RIMKLB: variants seen among roughly 807,000 people sequenced by gnomAD.
The protein encoded by RIMKLB is beta-citrylglutamate synthase B.
A neutral mutation model predicts 32.0 loss-of-function variants in RIMKLB; 7 were observed. The ratio of observed to expected loss-of-function variants is 0.22; its 90% CI spans 0.12 to 0.41. RIMKLB has a LOEUF of 0.41. Among genes scored for constraint, RIMKLB ranks in the 10% least tolerant of loss-of-function variants. The pLI is 1.00. For synonymous variants in RIMKLB, 172 were observed against 185.1 expected, an observed-to-expected ratio of 0.93 and a Z score of 0.57; for missense variants, 289 against 498.7, an observed-to-expected ratio of 0.58 and a Z score of 4.00.
At chr12:8,729,412 T>C (rs2137255483) in intron 2 of RIMKLB, among the ~76,000 whole-genome samples, 1 of 152,166 alleles carries the variant, frequency 6.6e-6, no homozygotes, top group South Asian at 2.1e-4. Flanking sequence ...TCTCTGAAGC[T>C]GCGCTCTCGA....
In RIMKLB at chr12:8,773,928, T is replaced by G; in HGVS notation, c.*144T>G. 2 of 1,433,220 alleles carry G rather than the reference T, an allele frequency of 1.4e-6. No individual in the cohort carries two copies. Among genetic ancestry groups the G allele is most frequent in the Non-Finnish European group, 1.8e-6 (2 of 1,097,150 alleles). 88.8% of individuals were successfully genotyped at this position (1,433,220 alleles called of 1,614,324 possible). A position where few individuals can be genotyped will look rare whatever the true frequency, so the allele number is the denominator to read the frequency against. On this transcript the variant is annotated 3_prime_UTR_variant, in exon 6 of 6. Coordinates refer to ENST00000535829, the MANE Select transcript of RIMKLB (RefSeq NM_001297776.2). ...AGGATTAGTTGGAGAGAGTGGGAGA[T>G]AGATGAGACCTCTGCTAGTAAGATG... is the stretch of plus-strand genomic sequence containing the variant.
intron 5 of RIMKLB, among the ~76,000 whole-genome samples, chr12:8,766,205 C>T (rs1249253642): frequency 1.3e-5 from 2 of 152,174 alleles, no homozygotes; most frequent in African/African-American, 4.8e-5. Flanking sequence ...ATGCTTATTC[C>T]TTTCCAGGGT....
At chr12:8,685,557 A>T (rs1200238185) in intron 1 of RIMKLB, among the ~76,000 whole-genome samples, 1 of 149,216 alleles carries the variant, frequency 6.7e-6, no homozygotes, top group African/African-American at 2.6e-5. Context: ...AAATTGTTGC[A>T]TTCCGTTTGC....
intron 2 of RIMKLB, among the ~76,000 whole-genome samples, chr12:8,748,598 TTATA>T (rs991047533): frequency 6.8e-6 from 1 of 146,612 alleles, no homozygotes; most frequent in Non-Finnish European, 1.5e-5. Flanking sequence ...CATACACAAT[TTATA>T]TATTTTTTAT....
At chr12:8,726,875 T>A (rs1946063483) in intron 2 of RIMKLB, among the ~76,000 whole-genome samples, 1 of 152,122 alleles carries the variant, frequency 6.6e-6, no homozygotes, top group South Asian at 2.1e-4. Context: ...TACCCCTGTT[T>A]TTCTTATTTT....
At chr12:8,671,957 A>T in the RIMKLB span, among the ~76,000 whole-genome samples, 2 of 148,854 alleles carry the variant, frequency 1.3e-5, no homozygotes, top group African/African-American at 4.9e-5. Context: ...TGCCTTTAAT[A>T]GCATCCAAGT....
chr12:8,746,539 A>G (rs945912642), intron 2 of RIMKLB, among the ~76,000 whole-genome samples: 3 of 150,136 alleles, frequency 2.0e-5, no homozygotes, highest in African/African-American at 7.4e-5. Context: ...CAGAGGTTGC[A>G]GTGAGCCAAG....
At position 8,715,389 on chromosome 12, in the gene RIMKLB, C is replaced by T. The variant is rs112002471; in HGVS notation, c.175+1348C>T. Among the ~76,000 whole-genome samples, 69 of 152,034 alleles carry T rather than the reference C, an allele frequency of 4.5e-4. 2 individuals are homozygous for T. Among genetic ancestry groups the T allele is most frequent in the Middle Eastern group, 3.4e-3 (1 of 294 alleles). ...TGCAGATGTGCACCACCACGCCCGACTAATTTTTGTATTTTTAGTAGAGAC... is the reference window on the plus strand; with the variant it reads ...TGCAGATGTGCACCACCACGCCCGATTAATTTTTGTATTTTTAGTAGAGAC... On this transcript the variant is annotated intron_variant, in intron 2 of 5. Coordinates refer to ENST00000535829, the MANE Select transcript of RIMKLB (RefSeq NM_001297776.2).
At chr12:8,747,038 C>G (rs11047039) in intron 2 of RIMKLB, among the ~76,000 whole-genome samples, 5,000 of 152,026 alleles carry the variant, frequency 0.033, 277 homozygotes, top group African/African-American at 0.11. Context: ...CCAGGCCTGG[C>G]CAAAATTTTG....
Position 8,729,523 on chromosome 12 carries a change from G to A in RIMKLB, c.175+15482G>A, listed in dbSNP as rs763387225. Among the ~76,000 whole-genome samples, 6 of 152,254 alleles carry A rather than the reference G, an allele frequency of 3.9e-5. No homozygotes were observed. The South Asian group carries it at 8.3e-4, about 21-fold the overall frequency. On this transcript the variant is annotated intron_variant, in intron 2 of 5. Coordinates refer to ENST00000535829, the MANE Select transcript of RIMKLB (RefSeq NM_001297776.2). ...TGTGCTGGCTGAGCCTGGGGTTTTTGTGGGCACAAGATGGAGAGTGGGGAG... is the reference window on the plus strand; with the variant it reads ...TGTGCTGGCTGAGCCTGGGGTTTTTATGGGCACAAGATGGAGAGTGGGGAG...
intron 5 of RIMKLB, among the ~76,000 whole-genome samples, chr12:8,755,193 T>G (rs892790088): frequency 6.6e-6 from 1 of 152,096 alleles, no homozygotes; most frequent in South Asian, 2.1e-4. Flanking sequence ...CTAGGTGATA[T>G]GCCTGCCTCG....
chr12:8,765,897 C>G (rs1949918740), intron 5 of RIMKLB, among the ~76,000 whole-genome samples: 1 of 152,072 alleles, frequency 6.6e-6, no homozygotes, highest in Non-Finnish European at 1.5e-5. Flanking sequence ...CCATTTGCCT[C>G]TTTTTTTATA....
chr12:8,745,726 A>C (rs1484238286), intron 2 of RIMKLB, among the ~76,000 whole-genome samples: 2 of 127,932 alleles, frequency 1.6e-5, no homozygotes, highest in East Asian at 2.3e-4. Context: ...ACAGAAGTTC[A>C]CTCTGTCGCC....
intron 5 of RIMKLB, among the ~76,000 whole-genome samples, chr12:8,765,416 T>C (rs1949872997): frequency 6.6e-6 from 1 of 152,146 alleles, no homozygotes; most frequent in African/African-American, 2.4e-5. Flanking sequence ...CTGACTGAGA[T>C]ACCAGAGATC....
chr12:8,734,474 TA>T (rs1032687173), intron 2 of RIMKLB, among the ~76,000 whole-genome samples: 12 of 152,336 alleles, frequency 7.9e-5, no homozygotes, highest in African/African-American at 2.9e-4. Flanking sequence ...ACCCTCACCT[TA>T]ATACCTTTAT....
chr12:8,706,632 T>A (rs1943905728), intron 1 of RIMKLB, among the ~76,000 whole-genome samples: 1 of 151,788 alleles, frequency 6.6e-6, no homozygotes, highest in Non-Finnish European at 1.5e-5. Context: ...TTTGTATTTT[T>A]AATAGAGACA....
rs767222188 is a variant in RIMKLB, at chr12:8,773,830, T to G, written c.*46T>G. 1.3e-6 allele frequency: 2 copies of G among 1,546,352 alleles called. No homozygotes were observed. Among genetic ancestry groups the G allele is most frequent in the African/African-American group, 1.4e-5 (1 of 72,648 alleles). On this transcript the variant is annotated 3_prime_UTR_variant, in exon 6 of 6. Coordinates refer to ENST00000535829, the MANE Select transcript of RIMKLB (RefSeq NM_001297776.2). ...CAAAACCCTTGTAAAACTTTCTTTCTTCTTTTCTATTTTTAAAACCAACTT... is the reference window on the plus strand; with the variant it reads ...CAAAACCCTTGTAAAACTTTCTTTCGTCTTTTCTATTTTTAAAACCAACTT...
chr12:8,765,245 T>C (rs1949858668), intron 5 of RIMKLB, among the ~76,000 whole-genome samples: 3 of 152,094 alleles, frequency 2.0e-5, no homozygotes, highest in Non-Finnish European at 2.9e-5. Context: ...ATTTGTAGGC[T>C]TTTTCCTAGT....
chr12:8,745,318 G>A (rs1947977208), intron 2 of RIMKLB, among the ~76,000 whole-genome samples: 1 of 151,496 alleles, frequency 6.6e-6, no homozygotes, highest in Non-Finnish European at 1.5e-5. Context: ...TCTTATTGAG[G>A]TCCTAGGTGT....
Sources: gnomAD v4.1 joint callset for allele counts (sites outside exome capture counted in the v4.1 genomes callset) on GRCh38, gnomAD v4.1.1 for gene constraint, MANE v1.5 for transcripts, NCBI Gene and HGNC (gene_info 2026-07-23, HGNC 2026-07-21) for gene names.